PPP1R13B: variants seen among roughly 807,000 people sequenced by gnomAD.
PPP1R13B encodes the protein apoptosis-stimulating of p53 protein 1.
A neutral mutation model predicts 119.8 loss-of-function variants in PPP1R13B; 44 were observed. The observed-to-expected ratio is 0.37, with a 90% CI of 0.29 to 0.47. The LOEUF (loss-of-function observed/expected upper bound fraction) is 0.47, where lower values mean the gene tolerates loss of function less well. PPP1R13B is among the 20% of genes least tolerant of loss of function. The pLI is 0.99. For missense variants in PPP1R13B, 1,227 were observed against 1,413.5 expected (o/e 0.87, Z 2.12); for synonymous variants, 542 against 561.5 (o/e 0.97, Z 0.49).
chr14:103,736,413 CT>C (rs2084114010), intron 15 of PPP1R13B: 2 of 601,200 alleles, frequency 3.3e-6, no homozygotes, highest in Non-Finnish European at 5.9e-6. Context: ...GCTGCCGGCC[CT>C]TTCTAAGTCC....
chr14:103,828,676 G>A (rs1016683805), intron 1 of PPP1R13B, among the ~76,000 whole-genome samples: 2 of 152,178 alleles, frequency 1.3e-5, no homozygotes, highest in Non-Finnish European at 2.9e-5. Context: ...GGAAGGTTAA[G>A]ACAGAAAGGA....
At chr14:103,784,688 T>A in intron 3 of PPP1R13B, 107 bp downstream of exon 3, 1 of 1,099,988 alleles carries the variant, frequency 9.1e-7, no homozygotes, top group Non-Finnish European at 1.2e-6. Flanking sequence ...TAGCCACTTG[T>A]AAGTGCAGGG....
intron 8 of PPP1R13B, among the ~76,000 whole-genome samples, chr14:103,748,514 T>C (rs1188745882): frequency 6.6e-6 from 1 of 152,162 alleles, no homozygotes; most frequent in Non-Finnish European, 1.5e-5. Flanking sequence ...CCAAACTATA[T>C]GCAGAAGGGA....
chr14:103,792,534 T>C (rs2085648876), intron 2 of PPP1R13B, among the ~76,000 whole-genome samples: 1 of 152,120 alleles, frequency 6.6e-6, no homozygotes, highest in Admixed American at 6.6e-5. Flanking sequence ...GAAGTTTAAC[T>C]GAACATAATT....
chr14:103,793,668 A>AT (rs1179809166), intron 2 of PPP1R13B, among the ~76,000 whole-genome samples: 1 of 151,948 alleles, frequency 6.6e-6, no homozygotes, highest in Non-Finnish European at 1.5e-5. Context: ...GAAATCTATT[A>AT]TAAGACTTTT....
intron 2 of PPP1R13B, among the ~76,000 whole-genome samples, chr14:103,793,511 G>T (rs2085680216): frequency 6.6e-6 from 1 of 152,140 alleles, no homozygotes; most frequent in Non-Finnish European, 1.5e-5. Flanking sequence ...GGCCTCCCCA[G>T]CCTTGCAGAA....
intron 1 of PPP1R13B, among the ~76,000 whole-genome samples, chr14:103,845,217 A>G (rs1394988743): frequency 7.8e-6 from 1 of 127,630 alleles, no homozygotes; most frequent in Non-Finnish European, 1.6e-5. Context: ...AAATCGAGAA[A>G]AATCTTATTT....
intron 4 of PPP1R13B, among the ~76,000 whole-genome samples, chr14:103,764,689 T>G (rs183536965): frequency 6.6e-6 from 1 of 151,330 alleles, no homozygotes; most frequent in African/African-American, 2.4e-5. Context: ...AATTTCAGGG[T>G]TTTTTTTTCA....
At chr14:103,846,690 G>A in intron 1 of PPP1R13B, 2 of 455,378 alleles carry the variant, frequency 4.4e-6, no homozygotes, top group Non-Finnish European at 4.4e-6. Context: ...GCATCCTTAA[G>A]GGCAGGACAA....
chr14:103,772,592 T>A (rs1334436415), intron 4 of PPP1R13B, among the ~76,000 whole-genome samples: 1 of 152,154 alleles, frequency 6.6e-6, no homozygotes, highest in Admixed American at 6.5e-5. Context: ...CTAATGATGG[T>A]GAACACCTTT....
chr14:103,838,992 C>A (rs2086840391), intron 1 of PPP1R13B, among the ~76,000 whole-genome samples: 1 of 152,236 alleles, frequency 6.6e-6, no homozygotes, highest in African/African-American at 2.4e-5. Context: ...CACTGTGTTT[C>A]ATTTCTTTTT....
In PPP1R13B at chr14:103,734,702, T is replaced by C. The variant is rs1015485148; in HGVS notation, c.*452A>G. ...GGGAAGAAGGATCATGTGTGGGAAGTGTGAGAAAGGATGAGTGTCCGATTC... is the reference window on the plus strand; with the variant it reads ...GGGAAGAAGGATCATGTGTGGGAAGCGTGAGAAAGGATGAGTGTCCGATTC... On this transcript the variant is annotated 3_prime_UTR_variant, in exon 17 of 17. Transcript: ENST00000202556. 1.1e-5 allele frequency: 5 copies of C among 457,622 alleles called. No homozygotes were observed. Among genetic ancestry groups the C allele is most frequent in the Middle Eastern group, 3.2e-4 (1 of 3,104 alleles). 28.3% of individuals were successfully genotyped at this position (457,622 alleles called of 1,614,324 possible).
intron 4 of PPP1R13B, among the ~76,000 whole-genome samples, chr14:103,772,414 A>G (rs1349503093): frequency 1.3e-5 from 2 of 152,190 alleles, no homozygotes; most frequent in African/African-American, 2.4e-5. Flanking sequence ...AAACTACCAA[A>G]TTATTTTCCA....
chr14:103,845,395 G>C (rs2087005536), intron 1 of PPP1R13B, among the ~76,000 whole-genome samples: 1 of 152,326 alleles, frequency 6.6e-6, no homozygotes, highest in South Asian at 2.1e-4. Context: ...ATACATGAGA[G>C]TCTAAGAGAA....
chr14:103,825,202 T>C (rs1346262261), intron 1 of PPP1R13B, among the ~76,000 whole-genome samples: 3 of 152,242 alleles, frequency 2.0e-5, no homozygotes, highest in Non-Finnish European at 4.4e-5. Flanking sequence ...GTGTTCTGAC[T>C]GCTCCACCAA....
chr14:103,811,074 G>A (rs1167382067), intron 1 of PPP1R13B, among the ~76,000 whole-genome samples: 4 of 118,712 alleles, frequency 3.4e-5, no homozygotes, highest in Non-Finnish European at 4.8e-5. Flanking sequence ...CAGCCTAGAG[G>A]ACAGCGTGAG....
intron 4 of PPP1R13B, among the ~76,000 whole-genome samples, chr14:103,774,781 A>G (rs2085148662): frequency 6.6e-6 from 1 of 152,184 alleles, no homozygotes; most frequent in African/African-American, 2.4e-5. Flanking sequence ...GATGTTTTTC[A>G]TATCTTAAAA....
chr14:103,821,864 G>C (rs1204682772), intron 1 of PPP1R13B, among the ~76,000 whole-genome samples: 1 of 152,070 alleles, frequency 6.6e-6, no homozygotes, highest in Non-Finnish European at 1.5e-5. Context: ...ACAAGACCCT[G>C]GAAAATGTAA....
intron 1 of PPP1R13B, among the ~76,000 whole-genome samples, chr14:103,828,035 G>A (rs2086590567): frequency 6.6e-6 from 1 of 152,038 alleles, no homozygotes; most frequent in South Asian, 2.1e-4. Context: ...GACTAAAATT[G>A]GGCTCTAATG....
Sources: gnomAD v4.1 joint callset for allele counts (sites outside exome capture counted in the v4.1 genomes callset) on GRCh38, gnomAD v4.1.1 for gene constraint, MANE v1.5 for transcripts, NCBI Gene and HGNC (gene_info 2026-07-23, HGNC 2026-07-21) for gene names.